Variants in VRTN observed in about 807,000 individuals in gnomAD.
VRTN encodes the protein vertebrae development associated.
VRTN carries 5 observed loss-of-function variants against 18.2 expected under a neutral mutation model. The ratio of observed to expected loss-of-function variants is 0.27; its 90% CI spans 0.14 to 0.58. The LOEUF is 0.58. Among genes scored for constraint, VRTN ranks in the 20% least tolerant of loss-of-function variants. The pLI, the probability that VRTN is intolerant of heterozygous loss-of-function variation, is 0.91. For missense variants in VRTN, 741 were observed against 939.4 expected (o/e 0.79, Z 2.76); for synonymous variants, 381 against 393.7 (o/e 0.97, Z 0.38).
chr14:74,328,512 C>T (rs2085501797), intron 1 of VRTN, among the ~76,000 whole-genome samples: 1 of 152,156 alleles, frequency 6.6e-6, no homozygotes, highest in Admixed American at 6.5e-5. Context: ...TTTTGCAAAA[C>T]ATACACACAT....
At chr14:74,320,150 TGAAGTGC>T (rs1285643276) in intron 1 of VRTN, among the ~76,000 whole-genome samples, 2 of 151,734 alleles carry the variant, frequency 1.3e-5, no homozygotes, top group African/African-American at 4.8e-5. Flanking sequence ...TACAGGAAGC[TGAAGTGC>T]GAGGATTGCT....
chr14:74,303,680 G>T lies in VRTN; in HGVS notation c.-164+504G>T, dbSNP rs142704072. Among the ~76,000 whole-genome samples the T allele has an allele frequency of 2.1e-4, 32 of 152,148 alleles. 1 individual carries two copies. In the East Asian group the frequency reaches 5.2e-3, roughly 25 times the overall value. On this transcript the variant is annotated intron_variant, in intron 1 of 2. Transcript: ENST00000557177. ...GGCTCAAAAAAAACCCAAACAGCAT[G>T]ATCCCACAGGTCCCTAAATTTGAAT...
chr14:74,305,014 G>A (rs1281474466), intron 1 of VRTN, among the ~76,000 whole-genome samples: 1 of 152,120 alleles, frequency 6.6e-6, no homozygotes, highest in East Asian at 1.9e-4. Flanking sequence ...GGGTGCCTCA[G>A]CATTGTCTAT....
intron 1 of VRTN, among the ~76,000 whole-genome samples, chr14:74,336,890 A>T (rs2085568567): frequency 6.6e-6 from 1 of 151,920 alleles, no homozygotes; most frequent in Non-Finnish European, 1.5e-5. Flanking sequence ...CTTTGGCTTT[A>T]GATCTTATCT....
At chr14:74,340,263 C>T (rs1362158269) in intron 2 of VRTN, among the ~76,000 whole-genome samples, 1 of 152,196 alleles carries the variant, frequency 6.6e-6, no homozygotes, top group South Asian at 2.1e-4. Context: ...TAGGCATGTG[C>T]CACCACGCCC....
At chr14:74,337,236 G>A (rs1181431448) in intron 1 of VRTN, among the ~76,000 whole-genome samples, 3 of 152,028 alleles carry the variant, frequency 2.0e-5, no homozygotes, top group Non-Finnish European at 4.4e-5. Flanking sequence ...CCAGCTATTC[G>A]GGAAGCTGAG....
intron 1 of VRTN, among the ~76,000 whole-genome samples, chr14:74,327,708 ATT>A (rs147390910): frequency 3.4e-5 from 5 of 145,560 alleles, no homozygotes; most frequent in African/African-American, 8.1e-5. Context: ...GGTTGATTTT[ATT>A]TTATTATTAT....
chr14:74,333,315 G>C (rs543790517), intron 1 of VRTN, among the ~76,000 whole-genome samples: 1 of 151,966 alleles, frequency 6.6e-6, no homozygotes, highest in South Asian at 2.1e-4. Context: ...CCCAGAAGGC[G>C]GAGGTTGCAG....
chr14:74,355,015 G>A (rs568290610), intron 1 of VRTN, among the ~76,000 whole-genome samples: 1 of 151,576 alleles, frequency 6.6e-6, no homozygotes, highest in African/African-American at 2.4e-5. Context: ...GGTGGCATGC[G>A]CCTGTAATCC....
At chr14:74,329,395 C>T (rs1224103923) in intron 1 of VRTN, among the ~76,000 whole-genome samples, 3 of 150,824 alleles carry the variant, frequency 2.0e-5, no homozygotes, top group East Asian at 4.0e-4. Context: ...ACTACAGGCG[C>T]GTGCCACCAC....
chr14:74,351,780 C>T (rs773634679), intron 1 of VRTN, among the ~76,000 whole-genome samples: 1 of 151,958 alleles, frequency 6.6e-6, no homozygotes, highest in Non-Finnish European at 1.5e-5. Flanking sequence ...TGCACTTGGG[C>T]TGATTACCAA....
chr14:74,305,031 A>G (rs1331720491), intron 1 of VRTN, among the ~76,000 whole-genome samples: 1 of 152,056 alleles, frequency 6.6e-6, no homozygotes, highest in East Asian at 1.9e-4. Flanking sequence ...CTATTACTGT[A>G]AACTTTTAAG....
intron 1 of VRTN, chr14:74,306,172 ATTTTTTT>A (rs869043692): frequency 1.3e-5 from 1 of 75,640 alleles, no homozygotes; most frequent in African/African-American, 4.8e-5. Flanking sequence ...ATATATATAT[ATTTTTTT>A]TTTTTTTTTG....
intron 1 of VRTN, among the ~76,000 whole-genome samples, chr14:74,353,784 G>A (rs1339321836): frequency 6.6e-6 from 1 of 151,794 alleles, no homozygotes; most frequent in African/African-American, 2.4e-5. Flanking sequence ...CTGCAGTGGC[G>A]TGATCTTGGC....
intron 1 of VRTN, among the ~76,000 whole-genome samples, chr14:74,311,654 C>T (rs1194642655): frequency 1.3e-5 from 2 of 152,032 alleles, no homozygotes; most frequent in African/African-American, 2.4e-5. Flanking sequence ...GGGTGATCTG[C>T]CTGCCTCGGC....
intron 1 of VRTN, among the ~76,000 whole-genome samples, chr14:74,334,912 C>T (rs2085553670): frequency 1.3e-5 from 2 of 152,114 alleles, no homozygotes; most frequent in African/African-American, 4.8e-5. Flanking sequence ...CATTGAGTAA[C>T]TTGAAGAATA....
At position 74,358,467 on chromosome 14, in the gene VRTN, G is replaced by A. The variant is rs751668881; in HGVS notation, c.1684G>A (p.Val562Ile). 4 of 1,614,214 alleles carry A rather than the reference G, an allele frequency of 2.5e-6. No homozygotes were observed. The South Asian group carries it at 4.4e-5, about 18-fold the overall frequency. Residue 562 changes from valine (V) to isoleucine (I), a missense_variant, in exon 2 of 2, where the codon GTC (valine) becomes ATC (isoleucine). Coordinates refer to ENST00000256362, the MANE Select transcript of VRTN (RefSeq NM_018228.3). The surrounding 1 kb of genome is among the most constrained non-coding windows in gnomAD (Gnocchi z 5.4). ...AGGCCTGTCCAAACTTCAGGTGCCG[G>A]TCCCCACCTTGGGCAAAGGGGGGCA... ...PRGLSKLQVPVPTLGKGGQEA... is the reference protein window; with the variant it reads ...PRGLSKLQVPIPTLGKGGQEA...
In VRTN at chr14:74,358,374, C is replaced by T. The variant is rs762996034; in HGVS notation, c.1591C>T (p.Leu531Phe). 6.2e-7 allele frequency: 1 copy of T among 1,613,912 alleles called. No homozygotes were observed. Among genetic ancestry groups the T allele is most frequent in the Admixed American group, 1.7e-5 (1 of 60,036 alleles). Reference protein sequence around the residue: ...SGHLPFCRFRLRYPSLSPSAF... With the variant: ...SGHLPFCRFRFRYPSLSPSAF... ...GCATCTCCCTTTCTGCCGCTTCCGC[C>T]TCCGCTACCCCAGCCTGTCACCTTC... is the stretch of plus-strand genomic sequence containing the variant. The change falls in exon 2 of 2, where the codon CTC becomes TTC. Residue 531 changes from leucine to phenylalanine, a missense_variant. Physicochemically the swap from Leu to Phe is conservative, Grantham distance 22 (BLOSUM62 0). This residue lies in a region of VRTN where 494 missense variants were observed against 546.5 expected (regional missense o/e 0.90). Coordinates refer to ENST00000256362, the MANE Select transcript of VRTN (RefSeq NM_018228.3). The surrounding 1 kb of genome is among the most constrained non-coding windows in gnomAD (Gnocchi z 5.4).
At chr14:74,303,025 A>C (rs531635542), upstream of VRTN, 6 of 1,164,184 alleles carry the variant, frequency 5.2e-6, no homozygotes, top group Non-Finnish European at 6.9e-6. Flanking sequence ...ATAGAGAGGA[A>C]GGTGCGGGAG....
Sources: allele counts gnomAD v4.1 joint callset (sites outside exome capture counted in the v4.1 genomes callset), GRCh38; gene constraint gnomAD v4.1.1; regional missense constraint gnomAD v4.1.1; non-coding constraint Gnocchi (gnomAD v3.1); transcripts MANE v1.5; gene names NCBI Gene and HGNC (gene_info 2026-07-23, HGNC 2026-07-21).